Variants in PSG11 observed in about 807,000 individuals in gnomAD.
PSG11 encodes the protein pregnancy specific beta-1-glycoprotein 11, also known as pregnancy-specific beta-1-glycoprotein 11.
In PSG11, 42 loss-of-function variants were observed where a neutral mutation model predicts 36.0. The observed-to-expected ratio is 1.17, with a 90% CI of 0.91 to 1.51. The LOEUF is 1.51. Among genes scored for constraint, PSG11 ranks in the 40% most tolerant of loss-of-function variants. The pLI, the probability that PSG11 is intolerant of heterozygous loss-of-function variation, is 0.00. For missense variants in PSG11, 558 were observed against 403.5 expected, an observed-to-expected ratio of 1.38 and a Z score of -3.28; for synonymous variants, 206 against 153.5, an observed-to-expected ratio of 1.34 and a Z score of -2.53.
chr19:43,019,943 A>G (rs1275245776), intron 2 of PSG11, among the ~76,000 whole-genome samples: 3 of 151,516 alleles, frequency 2.0e-5, no homozygotes, highest in African/African-American at 7.3e-5. Flanking sequence ...TTTGGTAGAT[A>G]TTAGACCAAT....
chr19:43,010,503 G>T, intron 4 of PSG11: 2 of 875,770 alleles, frequency 2.3e-6, no homozygotes, highest in South Asian at 3.8e-5. Context: ...TTTCCTACAG[G>T]CTCCCAGGAA....
intron 2 of PSG11, chr19:43,024,463 C>T (rs1361161273): frequency 4.9e-6 from 3 of 614,714 alleles, no homozygotes; most frequent in Non-Finnish European, 8.5e-6. Context: ...CCCCATCAGA[C>T]TGTCCTTCCT....
At chr19:43,019,230 G>C (rs1967044322) in intron 2 of PSG11, 182 bp from the exon 3 acceptor site, 1 of 1,314,430 alleles carries the variant, frequency 7.6e-7, no homozygotes, top group Non-Finnish European at 1.0e-6. Context: ...TTGTGAGGCT[G>C]CCTGCTTTAT....
rs186625603 is a variant in PSG11 at position 43,011,749 on chromosome 19, C to G, written c.965-1708G>C. On this transcript the variant is annotated intron_variant, in intron 4 of 5. Coordinates refer to ENST00000320078, the MANE Select transcript of PSG11 (RefSeq NM_002785.3). ...AAAAAATTAAAAAGCCAACTAGCTG[C>G]GCATGGTGACATGCACCTGTAGTCC... Among the ~76,000 whole-genome samples the G allele has an allele frequency of 8.6e-5, 13 of 150,706 alleles. 1 individual carries two copies. In the East Asian group the frequency reaches 1.8e-3, roughly 20 times the overall value.
chr19:43,010,018 CA>C lies in PSG11; in HGVS notation c.987del (p.Phe329LeufsTer33), dbSNP rs1568484742. 7 of 1,609,678 alleles carry C rather than the reference CA, an allele frequency of 4.3e-6. 1 individual carries two copies. The highest frequency in any genetic ancestry group is 5.1e-6 in the Non-Finnish European group (6 of 1,177,222). The stretch of plus-strand genomic sequence containing the variant: ...GGCTGCTACGTTGGATTATTGAAAG[CA>C]AAAGTTCCTAATCCTGGAGGAGCTG... ...RVIAPPGLGT[F>X]AFNNPT On this transcript the variant is annotated frameshift_variant, in exon 5 of 6. Transcript: ENST00000320078. LOFTEE classifies it high-confidence loss of function.
intron 2 of PSG11, among the ~76,000 whole-genome samples, chr19:43,022,594 A>C (rs1021208691): frequency 1.3e-5 from 2 of 151,368 alleles, no homozygotes; most frequent in Non-Finnish European, 2.9e-5. Context: ...CACCATTTCA[A>C]TAAATTTGTG....
Position 43,018,903 on chromosome 19 carries a change from C to A in PSG11, c.576G>T (p.Arg192Ser), listed in dbSNP as rs1195006797. 1.9e-6 allele frequency: 3 copies of A among 1,611,954 alleles called. No individual in the cohort carries two copies. The highest frequency in any genetic ancestry group is 2.5e-6 in the Non-Finnish European group (3 of 1,179,094). Residue 192 changes from arginine to serine, a missense_variant, in exon 3 of 6, where the codon AGG (arginine) becomes AGT (serine). Transcript: ENST00000320078. ...TCCTGTTGGTTTCAGACAGCTGCAT[C>A]CTATGAGTCATAGGGAGGCTCTGAC... The part of the protein sequence containing the change: ...MNGQSLPMTH[R>S]MQLSETNRTL...
intron 2 of PSG11, among the ~76,000 whole-genome samples, chr19:43,024,202 A>G (rs1599682004): frequency 6.6e-6 from 1 of 151,406 alleles, no homozygotes; most frequent in East Asian, 1.9e-4. Context: ...CAGCTGGTAA[A>G]TTCTTGGTCC....
chr19:43,009,948 G>C lies in PSG11; in HGVS notation c.*40+10C>G. 2 of 1,553,210 alleles carry C rather than the reference G, an allele frequency of 1.3e-6. No homozygotes were observed. Among genetic ancestry groups the C allele is most frequent in the African/African-American group, 1.4e-5 (1 of 72,836 alleles). On this transcript the variant is annotated intron_variant, in intron 5 of 5. Coordinates refer to ENST00000320078, the MANE Select transcript of PSG11 (RefSeq NM_002785.3). ...TGCAGGAACCAGGATAAGAGAAAAGGTCATCATACCTGCCAGTCTTCCTGA... is the reference window on the plus strand; with the variant it reads ...TGCAGGAACCAGGATAAGAGAAAAGCTCATCATACCTGCCAGTCTTCCTGA...
Position 43,015,027 on chromosome 19 carries a change from G to T in PSG11, c.964+89C>A, listed in dbSNP as rs948143183. The T allele has an allele frequency of 5.6e-6, 9 of 1,605,546 alleles. No homozygotes were observed. The Admixed American group carries it at 1.2e-4, about 21-fold the overall frequency. ...TGCCTGTGCCCATGGGACACAGGCT[G>T]GGAATAAAAATGTTTTCCTGACTCT... On this transcript the variant is annotated intron_variant, in intron 4 of 5. Coordinates refer to ENST00000320078, the MANE Select transcript of PSG11 (RefSeq NM_002785.3).
chr19:43,020,732 C>T (rs535197889), intron 2 of PSG11, among the ~76,000 whole-genome samples: 6 of 151,150 alleles, frequency 4.0e-5, no homozygotes, highest in Non-Finnish European at 8.8e-5. Context: ...CAGAACTGGT[C>T]AGTGCATCAA....
rs748501478 is a variant in PSG11 at position 43,018,883 on chromosome 19, T to A, written c.596A>T (p.Asn199Ile). ...GACACCAAATAGAAAGAGGGTCCTGTTGGTTTCAGACAGCTGCATCCTATG... is the reference window on the plus strand; with the variant it reads ...GACACCAAATAGAAAGAGGGTCCTGATGGTTTCAGACAGCTGCATCCTATG... ...MTHRMQLSET[N>I]RTLFLFGVTK... Residue 199 changes from asparagine to isoleucine, a missense_variant, in exon 3 of 6, where the codon AAC becomes ATC. By Grantham distance (149) the Asn-to-Ile change is moderately radical (BLOSUM62 -3). Coordinates refer to ENST00000320078, the MANE Select transcript of PSG11 (RefSeq NM_002785.3). 8 of 1,611,938 alleles carry A rather than the reference T, an allele frequency of 5.0e-6. No individual in the cohort carries two copies. The highest frequency in any genetic ancestry group is 1.3e-5 in the African/African-American group (1 of 74,388).
intron 4 of PSG11, 149 bp from the exon 5 acceptor site, chr19:43,010,190 A>G (rs1974038228): frequency 4.8e-6 from 7 of 1,454,718 alleles, no homozygotes; most frequent in Middle Eastern, 2.1e-4. Flanking sequence ...GGAGATGATT[A>G]TATTCTTGCA....
At chr19:43,010,636 T>A (rs565145415) in intron 4 of PSG11, 1 of 285,556 alleles carries the variant, frequency 3.5e-6, no homozygotes, top group African/African-American at 2.3e-5. Flanking sequence ...AACTTCTTTC[T>A]CTTTCTTTTT....
Position 43,020,133 on chromosome 19 carries a change from A to T in PSG11, c.431-1085T>A, listed in dbSNP as rs984432227. Among the ~76,000 whole-genome samples, 33 of 151,442 alleles carry T rather than the reference A, an allele frequency of 2.2e-4. 1 individual carries two copies. The highest frequency in any genetic ancestry group is 8.0e-4 in the African/African-American group (33 of 41,028). On this transcript the variant is annotated intron_variant, in intron 2 of 5. Transcript: ENST00000320078. ...TGTTGTTCCGTGGGTGTGCGGTTTC[A>T]GTTATGCAGGACGAGGAGGTTCTAG... is the stretch of plus-strand genomic sequence containing the variant.
At chr19:43,025,918 T>G (rs1967239112) in intron 1 of PSG11, among the ~76,000 whole-genome samples, 1 of 119,384 alleles carries the variant, frequency 8.4e-6, no homozygotes, top group Non-Finnish European at 1.6e-5. Context: ...CTTCTTTCCT[T>G]TTTTTTTTTT....
At chr19:43,015,740 C>A in intron 3 of PSG11, 1 of 1,589,356 alleles carries the variant, frequency 6.3e-7, no homozygotes. Flanking sequence ...AAGCTGGTGT[C>A]CTGGCCCACA....
intron 4 of PSG11, chr19:43,014,855 T>G (rs761903026): frequency 7.4e-7 from 1 of 1,355,448 alleles, no homozygotes; most frequent in Non-Finnish European, 9.8e-7. Context: ...GTGAAGCCTC[T>G]TCTACCACAT....
Position 43,009,997 on chromosome 19 carries a change from G to A in PSG11, c.*1C>T. 3 of 1,607,374 alleles carry A rather than the reference G, an allele frequency of 1.9e-6. No individual in the cohort carries two copies. The highest frequency in any genetic ancestry group is 3.3e-4 in the Middle Eastern group (2 of 6,044). On this transcript the variant is annotated 3_prime_UTR_variant, in exon 5 of 6. Coordinates refer to ENST00000320078, the MANE Select transcript of PSG11 (RefSeq NM_002785.3). ...GAAATACAAAAATGACATCACGGCTGCTACGTTGGATTATTGAAAGCAAAA... is the reference window on the plus strand; with the variant it reads ...GAAATACAAAAATGACATCACGGCTACTACGTTGGATTATTGAAAGCAAAA...
Sources: allele counts gnomAD v4.1 joint callset (sites outside exome capture counted in the v4.1 genomes callset), GRCh38; gene constraint gnomAD v4.1.1; transcripts MANE v1.5; gene names NCBI Gene and HGNC (gene_info 2026-07-23, HGNC 2026-07-21).